Variants in DIP2B observed in about 807,000 individuals in gnomAD.
DIP2B encodes disco-interacting protein 2 homolog B.
In DIP2B, 76 loss-of-function variants were observed where a neutral mutation model predicts 198.0. That is an observed-to-expected ratio of 0.38 (90% CI 0.32 to 0.46). DIP2B has a LOEUF of 0.46. Among genes scored for constraint, DIP2B ranks in the 20% least tolerant of loss-of-function variants. The pLI, the probability that DIP2B is intolerant of heterozygous loss-of-function variation, is 0.99. For missense variants in DIP2B, 1,559 were observed against 1,978.4 expected (o/e 0.79, Z 4.02); for synonymous variants, 701 against 739.1 (o/e 0.95, Z 0.84).
rs769310323 is a variant in DIP2B, at chr12:50,674,564, C to A, written c.731C>A (p.Pro244His). ...CGCCCAGCAAACATTGACCTGCCCC[C>A]CTCGGGGATAGTTAAAGGCATGCAC... ...SIRPANIDLP[P>H]SGIVKGMHKG... is the part of the protein sequence containing the mutation. The change falls in exon 6 of 38, where the codon CCC becomes CAC. Residue 244 changes from proline (P) to histidine (H), a missense_variant. Physicochemically the swap from Pro to His is moderately conservative, Grantham distance 77. Transcript: ENST00000301180. The A allele has an allele frequency of 1.2e-6, 2 of 1,614,122 alleles. No homozygotes were observed. Among genetic ancestry groups the A allele is most frequent in the Non-Finnish European group, 8.5e-7 (1 of 1,180,060 alleles).
Position 50,695,349 on chromosome 12 carries a change from A to G in DIP2B, c.1802A>G (p.His601Arg), listed in dbSNP as rs1343237059. The G allele has an allele frequency of 1.9e-6, 3 of 1,613,624 alleles. No individual in the cohort carries two copies. The highest frequency in any genetic ancestry group is 4.5e-5 in the East Asian group (2 of 44,874). Residue 601 changes from histidine to arginine, a missense_variant, in exon 15 of 38, where the codon CAT becomes CGT. His to Arg is a conservative substitution (Grantham distance 29). Transcript: ENST00000301180. ...CCTCTCTCTTGGGTCCAAAGAGTACATGCTCACAAAGGTAGTCACCTGCAA... is the reference window on the plus strand; with the variant it reads ...CCTCTCTCTTGGGTCCAAAGAGTACGTGCTCACAAAGGTAGTCACCTGCAA... ...TCPLSWVQRV[H>R]AHKAKVALVK...
intron 3 of DIP2B, among the ~76,000 whole-genome samples, chr12:50,655,933 C>T (rs1412560768): frequency 6.6e-6 from 1 of 152,144 alleles, no homozygotes; most frequent in Non-Finnish European, 1.5e-5. Flanking sequence ...TGAGATCATG[C>T]CACTGCACTC....
chr12:50,709,849 G>A (rs1939582463), intron 22 of DIP2B, among the ~76,000 whole-genome samples: 1 of 151,982 alleles, frequency 6.6e-6, no homozygotes, highest in African/African-American at 2.4e-5. Context: ...GCTGTGACAG[G>A]CACCAGTAGC....
chr12:50,564,417 A>G (rs182640180), intron 1 of DIP2B, among the ~76,000 whole-genome samples: 32 of 152,306 alleles, frequency 2.1e-4, no homozygotes, highest in Admixed American at 3.9e-4. Flanking sequence ...AGCACTGCCA[A>G]ATTTGGGCAC....
chr12:50,574,003 A>G (rs1272015797), intron 1 of DIP2B, among the ~76,000 whole-genome samples: 1 of 152,208 alleles, frequency 6.6e-6, no homozygotes, highest in Admixed American at 6.5e-5. Flanking sequence ...AAATCTTGCA[A>G]TCTGAAAGTG....
At chr12:50,602,980 C>T (rs1348845903) in intron 1 of DIP2B, among the ~76,000 whole-genome samples, 3 of 150,854 alleles carry the variant, frequency 2.0e-5, no homozygotes, top group South Asian at 2.1e-4. Context: ...CTGGCATACA[C>T]GGTGAAACCC....
In DIP2B at chr12:50,660,222, A is replaced by G. The variant is rs201078128; in HGVS notation, c.330A>G (p.Ala110=). Residue 110 remains alanine (A), a synonymous_variant, in exon 4 of 38, where the codon GCA becomes GCG. Transcript: ENST00000301180. ...SDIHTEAVQA[A]LAKHKEQKMA... is the part of the protein sequence containing the mutation. ...TCCACACAGAAGCAGTTCAGGCTGCACTGGCAAAGCATAAAGAACAGAAGA... is the reference window on the plus strand; with the variant it reads ...TCCACACAGAAGCAGTTCAGGCTGCGCTGGCAAAGCATAAAGAACAGAAGA... 3.3e-5 allele frequency: 54 copies of G among 1,612,742 alleles called. No homozygotes were observed. In the East Asian group the frequency reaches 1.1e-3, roughly 34 times the overall value.
intron 2 of DIP2B, among the ~76,000 whole-genome samples, chr12:50,636,100 T>A (rs939147385): frequency 5.9e-5 from 9 of 152,158 alleles, no homozygotes; most frequent in Non-Finnish European, 1.0e-4. Context: ...GAATAAGTAC[T>A]GTAAGAGAGC....
In DIP2B at chr12:50,748,269, GT is replaced by G. The variant is rs749237072; in HGVS notation, c.*3435del. ...CCAACAAGATCTATGCCTTAGTGTT[GT>G]TTTTGTTGTCTGCTTTGATGTAAAA... is the stretch of plus-strand genomic sequence containing the variant. On this transcript the variant is annotated 3_prime_UTR_variant, in exon 38 of 38. Coordinates refer to ENST00000301180, the MANE Select transcript of DIP2B (RefSeq NM_173602.3). The G allele has an allele frequency of 3.9e-5, 6 of 152,634 alleles. No homozygotes were observed. Among genetic ancestry groups the G allele is most frequent in the African/African-American group, 7.2e-5 (3 of 41,440 alleles). 9.5% of individuals were successfully genotyped at this position (152,634 alleles called of 1,614,324 possible).
intron 1 of DIP2B, among the ~76,000 whole-genome samples, chr12:50,562,866 A>G (rs1368471741): frequency 6.6e-6 from 1 of 152,182 alleles, no homozygotes; most frequent in Non-Finnish European, 1.5e-5. Flanking sequence ...TTGTAATACA[A>G]TACTATAAGG....
chr12:50,525,332 T>G (rs1324394610), intron 1 of DIP2B, among the ~76,000 whole-genome samples: 1 of 134,862 alleles, frequency 7.4e-6, no homozygotes, highest in Non-Finnish European at 1.5e-5. Flanking sequence ...CACTCCAGCC[T>G]GGGCGACAGA....
At chr12:50,527,688 C>T (rs867971475) in intron 1 of DIP2B, among the ~76,000 whole-genome samples, 3 of 151,678 alleles carry the variant, frequency 2.0e-5, no homozygotes, top group Middle Eastern at 6.3e-3. Context: ...CTAGGCTGGG[C>T]GAAAGAGCAA....
intron 28 of DIP2B, among the ~76,000 whole-genome samples, chr12:50,725,153 C>T (rs987641105): frequency 5.3e-5 from 8 of 152,288 alleles, no homozygotes; most frequent in African/African-American, 1.9e-4. Flanking sequence ...GGTTTTTATG[C>T]TACATGTGAC....
At chr12:50,704,315 G>A (rs891333004) in intron 20 of DIP2B, 95 bp downstream of exon 20, 2 of 1,143,786 alleles carry the variant, frequency 1.7e-6, no homozygotes, top group African/African-American at 3.2e-5. Context: ...GTCCAAGAGT[G>A]TTACAGAACC....
rs796925220 is a variant in DIP2B, at chr12:50,741,407, T to C, written c.4355-9T>C. On this transcript the variant is annotated splice_polypyrimidine_tract_variant and intron_variant, in intron 36 of 37. Transcript: ENST00000301180. ...CCAAGCCACATTTCTCTCTTTTTCT[T>C]TCTGTCAGAGCGTCATGATGCATTG... 6 of 1,613,214 alleles carry C rather than the reference T, an allele frequency of 3.7e-6. No individual in the cohort carries two copies. In the African/African-American group the frequency reaches 8.0e-5, roughly 21 times the overall value.
chr12:50,549,065 A>G (rs1396178575), intron 1 of DIP2B, among the ~76,000 whole-genome samples: 1 of 152,102 alleles, frequency 6.6e-6, no homozygotes, highest in Admixed American at 6.5e-5. Context: ...AAGTGAGGAA[A>G]CTATTCCGGA....
rs1939122061 is a variant in DIP2B, at chr12:50,685,856, C to T, written c.1341C>T (p.Gly447=). 6.2e-7 allele frequency: 1 copy of T among 1,613,798 alleles called. No homozygotes were observed. The highest frequency in any genetic ancestry group is 1.1e-5 in the South Asian group (1 of 91,044). ...AGGATGCTGGAGGTCAGCAGATTGGCTTCTTGCTAGGAAGCTGTGGTATTG... is the reference window on the plus strand; with the variant it reads ...AGGATGCTGGAGGTCAGCAGATTGGTTTCTTGCTAGGAAGCTGTGGTATTG... ...TRKDAGGQQI[G]FLLGSCGIAL... The change falls in exon 11 of 38, where the codon GGC becomes GGT. Residue 447 remains glycine, a synonymous_variant. Coordinates refer to ENST00000301180, the MANE Select transcript of DIP2B (RefSeq NM_173602.3).
At chr12:50,572,493 C>A (rs1958623251) in intron 1 of DIP2B, among the ~76,000 whole-genome samples, 1 of 152,176 alleles carries the variant, frequency 6.6e-6, no homozygotes, top group Non-Finnish European at 1.5e-5. Context: ...CAACTTGATT[C>A]AGAAAACATT....
intron 3 of DIP2B, among the ~76,000 whole-genome samples, chr12:50,649,845 G>A (rs867823130): frequency 6.6e-6 from 1 of 151,802 alleles, no homozygotes; most frequent in Non-Finnish European, 1.5e-5. Context: ...GAAAGGGTGA[G>A]ACTTTGTCTC....
Sources: allele counts gnomAD v4.1 joint callset (sites outside exome capture counted in the v4.1 genomes callset), GRCh38; gene constraint gnomAD v4.1.1; transcripts MANE v1.5; gene names NCBI Gene and HGNC (gene_info 2026-07-23, HGNC 2026-07-21).